The following NREP variants were observed in gnomAD, a reference collection of about 807,000 sequenced individuals.
NREP encodes neuronal regeneration related protein.
Under a neutral mutation model 8.6 loss-of-function variants are expected in NREP, and 5 were observed. The observed-to-expected ratio is 0.58, with a 90% CI of 0.30 to 1.22. The LOEUF (loss-of-function observed/expected upper bound fraction) is 1.22. Among genes scored for constraint, NREP ranks in the 50% most tolerant of loss-of-function variants. NREP has a pLI of 0.07. For missense variants in NREP, 86 were observed against 82.5 expected (o/e 1.04, Z -0.17); for synonymous variants, 27 against 28.0 (o/e 0.96, Z 0.11).
chr5:111,959,110 T>C (rs896777543), intron 2 of NREP, among the ~76,000 whole-genome samples: 5 of 151,872 alleles, frequency 3.3e-5, no homozygotes, highest in African/African-American at 7.2e-5. Context: ...ATTAAAAGCA[T>C]GAGTTAGGGT....
intron 2 of NREP, among the ~76,000 whole-genome samples, chr5:111,925,487 C>T (rs575328): frequency 0.92 from 140,095 of 152,156 alleles, 65,208 homozygotes; most frequent in Middle Eastern, 0.99. Context: ...GGCCTCCTCC[C>T]GATCCCTGCT....
chr5:111,779,539 A>G (rs1387214919), intron 2 of NREP, among the ~76,000 whole-genome samples: 1 of 152,174 alleles, frequency 6.6e-6, no homozygotes, highest in Non-Finnish European at 1.5e-5. Context: ...CACTGGAGCT[A>G]TGAGAACCAG....
intron 2 of NREP, among the ~76,000 whole-genome samples, chr5:111,853,538 C>T (rs1753357852): frequency 1.3e-5 from 2 of 151,976 alleles, no homozygotes; most frequent in Admixed American, 6.6e-5. Flanking sequence ...TTTCATAAAT[C>T]TAAAACTGTT....
intron 2 of NREP, among the ~76,000 whole-genome samples, chr5:111,881,434 T>G (rs1051374397): frequency 3.3e-5 from 5 of 152,186 alleles, no homozygotes; most frequent in Non-Finnish European, 7.3e-5. Context: ...CAGTAACCTC[T>G]GCAGACTTAA....
At chr5:111,815,636 C>T (rs1471742787) in intron 2 of NREP, among the ~76,000 whole-genome samples, 4 of 151,772 alleles carry the variant, frequency 2.6e-5, no homozygotes, top group African/African-American at 2.4e-5. Context: ...AAATAAGACT[C>T]GGCATAAGAC....
At chr5:111,937,064 T>C (rs147278654) in intron 2 of NREP, among the ~76,000 whole-genome samples, 316 of 152,210 alleles carry the variant, frequency 2.1e-3, no homozygotes, top group African/African-American at 7.2e-3. Context: ...CAATTGACAA[T>C]AGGAATGGCC....
At chr5:111,933,863 G>T (rs900857277) in intron 2 of NREP, among the ~76,000 whole-genome samples, 2 of 152,178 alleles carry the variant, frequency 1.3e-5, no homozygotes, top group Middle Eastern at 3.4e-3. Flanking sequence ...TTAGATAGTC[G>T]CAGAAACCAG....
At chr5:111,879,215 C>CT (rs1302798955) in intron 2 of NREP, among the ~76,000 whole-genome samples, 1 of 152,146 alleles carries the variant, frequency 6.6e-6, no homozygotes, top group African/African-American at 2.4e-5. Context: ...TATAAGCTTG[C>CT]TGGGGCCTCA....
At chr5:111,942,757 A>G (rs1232866953) in intron 2 of NREP, among the ~76,000 whole-genome samples, 2 of 152,108 alleles carry the variant, frequency 1.3e-5, no homozygotes, top group African/African-American at 2.4e-5. Context: ...GAGGCTGTAC[A>G]TAAAAGAGAT....
intron 2 of NREP, among the ~76,000 whole-genome samples, chr5:111,832,310 G>A (rs1752788600): frequency 6.6e-6 from 1 of 152,100 alleles, no homozygotes; most frequent in Non-Finnish European, 1.5e-5. Flanking sequence ...TAGAGCTCAT[G>A]AGTTAGGGAC....
intron 2 of NREP, among the ~76,000 whole-genome samples, chr5:111,921,169 C>T (rs1755228547): frequency 1.3e-5 from 2 of 152,152 alleles, no homozygotes; most frequent in African/African-American, 2.4e-5. Flanking sequence ...TCTCTCTTCT[C>T]ACATTCCTCC....
At chr5:111,839,733 A>T (rs557699662) in intron 2 of NREP, among the ~76,000 whole-genome samples, 1 of 152,108 alleles carries the variant, frequency 6.6e-6, no homozygotes, top group Non-Finnish European at 1.5e-5. Context: ...TTATAATAAT[A>T]TAAAGTCTTA....
intron 2 of NREP, among the ~76,000 whole-genome samples, chr5:111,793,136 G>A (rs1459026151): frequency 2.6e-5 from 4 of 152,118 alleles, no homozygotes; most frequent in Non-Finnish European, 4.4e-5. Flanking sequence ...TTTCCCAACC[G>A]TATTGCCTTT....
At chr5:111,954,921 C>G (rs776537120) in intron 2 of NREP, among the ~76,000 whole-genome samples, 1 of 152,150 alleles carries the variant, frequency 6.6e-6, no homozygotes, top group East Asian at 1.9e-4. Context: ...TGACTCATTG[C>G]TGGCTGCCAA....
chr5:111,818,594 C>A (rs1248968721), intron 2 of NREP, among the ~76,000 whole-genome samples: 4 of 152,154 alleles, frequency 2.6e-5, no homozygotes, highest in Non-Finnish European at 4.4e-5. Context: ...GGATATATTG[C>A]ATGACTCTGA....
At chr5:111,838,091 A>G (rs1418190268) in intron 2 of NREP, among the ~76,000 whole-genome samples, 1 of 152,132 alleles carries the variant, frequency 6.6e-6, no homozygotes, top group Non-Finnish European at 1.5e-5. Flanking sequence ...TCTAGTAGCC[A>G]CATTTAAAAA....
At chr5:111,874,807 T>C (rs1278548382) in intron 2 of NREP, among the ~76,000 whole-genome samples, 3 of 152,134 alleles carry the variant, frequency 2.0e-5, no homozygotes, top group Non-Finnish European at 4.4e-5. Flanking sequence ...GACTGCTCTC[T>C]TCTATACTCC....
chr5:111,815,496 T>C (rs777116350), intron 2 of NREP, among the ~76,000 whole-genome samples: 3 of 152,128 alleles, frequency 2.0e-5, no homozygotes, highest in Non-Finnish European at 4.4e-5. Flanking sequence ...GAAAGTTTTT[T>C]TTTTTAGTTA....
chr5:111,776,711 A>C (rs1263085510), intron 2 of NREP, among the ~76,000 whole-genome samples: 3 of 152,212 alleles, frequency 2.0e-5, no homozygotes, highest in Non-Finnish European at 4.4e-5. Context: ...AAGAAGGAAG[A>C]TACAAATGTG....
Sources: allele counts gnomAD v4.1 joint callset (sites outside exome capture counted in the v4.1 genomes callset), GRCh38; gene constraint gnomAD v4.1.1; transcripts MANE v1.5; gene names NCBI Gene and HGNC (gene_info 2026-07-23, HGNC 2026-07-21).